The following GRIK4 variants were observed in gnomAD, a reference collection of about 807,000 sequenced individuals.
The protein encoded by GRIK4 is glutamate receptor ionotropic, kainate 4.
GRIK4 carries 40 observed loss-of-function variants against 104.9 expected under a neutral mutation model. That is an observed-to-expected ratio of 0.38 (90% CI 0.30 to 0.50). GRIK4 has a LOEUF of 0.50. Among genes scored for constraint, GRIK4 ranks in the 20% least tolerant of loss-of-function variants. The probability of loss-of-function intolerance (pLI) is 0.93; values close to 1 mark genes in which losing one functional copy is unlikely to be tolerated. For missense variants in GRIK4, 1,047 were observed against 1,308.1 expected, an observed-to-expected ratio of 0.80 and a Z score of 3.08; for synonymous variants, 485 against 524.9, an observed-to-expected ratio of 0.92 and a Z score of 1.04.
chr11:120,802,759 A>G lies in GRIK4; in HGVS notation c.149A>G (p.Asn50Ser), dbSNP rs1373180431. Residue 50 changes from asparagine (N) to serine (S), a missense_variant, in exon 4 of 21, where the codon AAC becomes AGC. Physicochemically the swap from Asn to Ser is conservative, Grantham distance 46. This residue lies in a region of GRIK4 where 447 missense variants were observed against 514.9 expected (regional missense o/e 0.87). Transcript: ENST00000527524. ...GERLSITLAK[N>S]RINRAPERLG... ...CGGCTCTCCATCACCCTGGCCAAGA[A>G]CCGCATCAACCGCGCTCCTGAGAGG... is the stretch of plus-strand genomic sequence containing the variant. 1 of 1,614,028 alleles carries G rather than the reference A, an allele frequency of 6.2e-7. No individual in the cohort carries two copies. Among genetic ancestry groups the G allele is most frequent in the Non-Finnish European group, 8.5e-7 (1 of 1,179,982 alleles).
At position 120,986,438 on chromosome 11, in the gene GRIK4, G is replaced by A; in HGVS notation, c.*178G>A. 1 of 881,914 alleles carries A rather than the reference G, an allele frequency of 1.1e-6. No individual in the cohort carries two copies. Among genetic ancestry groups the A allele is most frequent in the Non-Finnish European group, 1.6e-6 (1 of 619,824 alleles). The allele number at this position is 881,914 out of a possible 1,614,324, so 54.6% of individuals were successfully genotyped here. A position where few individuals can be genotyped will look rare whatever the true frequency, so the allele number is the denominator to read the frequency against. On this transcript the variant is annotated 3_prime_UTR_variant, in exon 21 of 21. Transcript: ENST00000527524. ...ACGCCCCAGCCAGAGACCGCGCCCG[G>A]TCAGGGAGCAGGGTCCACCCGGAAA... is the stretch of plus-strand genomic sequence containing the variant.
intron 19 of GRIK4, among the ~76,000 whole-genome samples, chr11:120,973,522 T>C (rs921070355): frequency 6.6e-6 from 1 of 152,236 alleles, no homozygotes; most frequent in East Asian, 1.9e-4. Context: ...CGGTCATCCT[T>C]TGGAACAAGA....
chr11:120,557,227 C>G (rs1207001491), intron 1 of GRIK4, among the ~76,000 whole-genome samples: 5 of 152,220 alleles, frequency 3.3e-5, no homozygotes, highest in Non-Finnish European at 5.9e-5. Flanking sequence ...TCCCTTGCCT[C>G]TCCTGTCCCC....
At chr11:120,964,313 T>C (rs1313641959) in intron 18 of GRIK4, among the ~76,000 whole-genome samples, 1 of 152,160 alleles carries the variant, frequency 6.6e-6, no homozygotes, top group Non-Finnish European at 1.5e-5. Flanking sequence ...ACTTAAATTC[T>C]GATCAGAAAC....
At chr11:120,879,176 GT>G (rs1299538979) in intron 11 of GRIK4, among the ~76,000 whole-genome samples, 1 of 152,166 alleles carries the variant, frequency 6.6e-6, no homozygotes, top group African/African-American at 2.4e-5. Flanking sequence ...GGCAAAGCCC[GT>G]GCTCTCGGAT....
Position 120,564,246 on chromosome 11 carries a change from C to T in GRIK4, c.-159+52359C>T, listed in dbSNP as rs577718711. Among the ~76,000 whole-genome samples, 3 of 152,346 alleles carry T rather than the reference C, an allele frequency of 2.0e-5. No individual in the cohort carries two copies. In the East Asian group the frequency reaches 5.8e-4, roughly 29 times the overall value. On this transcript the variant is annotated intron_variant, in intron 1 of 20. Coordinates refer to ENST00000527524, the MANE Select transcript of GRIK4 (RefSeq NM_014619.5). Reference sequence around the variant, plus strand: ...GGCAGCTGAATCCAGCCCCTTGTTACGGGGGAAAATGCTCTCATTGAAGCG... The same window carrying T: ...GGCAGCTGAATCCAGCCCCTTGTTATGGGGGAAAATGCTCTCATTGAAGCG...
rs552055003 is a variant in GRIK4 at position 120,903,053 on chromosome 11, C to T, written c.1273-2237C>T. Reference sequence around the variant, plus strand: ...CCTCCATGACCTTGTGTCTGTCTGGCCCTCCATCTTCCCCAGCCTAGAAGT... The same window carrying T: ...CCTCCATGACCTTGTGTCTGTCTGGTCCTCCATCTTCCCCAGCCTAGAAGT... On this transcript the variant is annotated intron_variant, in intron 12 of 20. Transcript: ENST00000527524. The surrounding 1 kb of genome is among the most constrained non-coding windows in gnomAD (Gnocchi z 4.4). Among the ~76,000 whole-genome samples, 51 of 152,244 alleles carry T rather than the reference C, an allele frequency of 3.3e-4. No homozygotes were observed. Among genetic ancestry groups the T allele is most frequent in the Non-Finnish European group, 8.8e-5 (6 of 68,014 alleles).
rs115056509 is a variant in GRIK4 at position 120,609,318 on chromosome 11, G to A, written c.-158-44367G>A. On this transcript the variant is annotated intron_variant, in intron 1 of 20. Coordinates refer to ENST00000527524, the MANE Select transcript of GRIK4 (RefSeq NM_014619.5). The stretch of plus-strand genomic sequence containing the variant: ...AGCTGTTTGTTTTTGCCATCTTGCC[G>A]TGTTGCCCAGGGTGACCTCAAACTC... 2.1e-3 allele frequency among the ~76,000 whole-genome samples: 310 copies of A among 151,136 alleles called. 2 individuals carry two copies. Among genetic ancestry groups the A allele is most frequent in the African/African-American group, 6.4e-3 (265 of 41,146 alleles).
intron 3 of GRIK4, among the ~76,000 whole-genome samples, chr11:120,723,867 TATGAGTGTTG>T (rs1950977302): frequency 6.6e-6 from 1 of 152,168 alleles, no homozygotes; most frequent in Admixed American, 6.5e-5. Flanking sequence ...GTGTACCTTC[TATGAGTGTTG>T]ACGAATGCAT....
At chr11:120,885,511 A>C (rs1955092616) in intron 11 of GRIK4, among the ~76,000 whole-genome samples, 1 of 151,698 alleles carries the variant, frequency 6.6e-6, no homozygotes, top group Admixed American at 6.6e-5. Flanking sequence ...TCAAGCTCCT[A>C]AGTAGCTGAG....
chr11:120,526,841 C>T (rs1171915184), intron 1 of GRIK4, among the ~76,000 whole-genome samples: 1 of 151,936 alleles, frequency 6.6e-6, no homozygotes, highest in Non-Finnish European at 1.5e-5. Context: ...AAGAGTGAAA[C>T]ACCATCTCAA....
At chr11:120,631,377 T>C (rs7927736) in intron 1 of GRIK4, among the ~76,000 whole-genome samples, 63,784 of 152,036 alleles carry the variant, frequency 0.42, 13,555 homozygotes, top group Admixed American at 0.49. Context: ...CCTGGGGATA[T>C]GGATGCTGTT....
chr11:120,514,920 G>C, intron 1 of GRIK4: 1 of 455,106 alleles, frequency 2.2e-6, no homozygotes, highest in South Asian at 1.6e-5. Context: ...GGTCCTGAAA[G>C]CTTCCTTGTT....
At chr11:120,546,803 A>C (rs1337125063) in intron 1 of GRIK4, among the ~76,000 whole-genome samples, 1 of 152,156 alleles carries the variant, frequency 6.6e-6, no homozygotes, top group African/African-American at 2.4e-5. Flanking sequence ...TACTAGGAGT[A>C]AGGATGGAAT....
chr11:120,758,269 T>C (rs911376821), intron 3 of GRIK4, among the ~76,000 whole-genome samples: 3 of 152,208 alleles, frequency 2.0e-5, no homozygotes, highest in African/African-American at 7.2e-5. Flanking sequence ...TTCTGGAGTC[T>C]TTAGCAAATC....
At chr11:120,754,788 G>A (rs1352440977) in intron 3 of GRIK4, among the ~76,000 whole-genome samples, 1 of 152,118 alleles carries the variant, frequency 6.6e-6, no homozygotes, top group Non-Finnish European at 1.5e-5. Flanking sequence ...ATGATGTTGA[G>A]GATCTTTTCA....
Position 120,819,988 on chromosome 11 carries a change from G to C in GRIK4, c.511+68G>C. On this transcript the variant is annotated intron_variant, in intron 6 of 20. Coordinates refer to ENST00000527524, the MANE Select transcript of GRIK4 (RefSeq NM_014619.5). The surrounding 1 kb of genome is among the most constrained non-coding windows in gnomAD (Gnocchi z 4.3). ...TGTTGATTTTGCCCTGATTCCCTGT[G>C]CCCCTGGCTGGAGACCCTCCAGGAA... is the stretch of plus-strand genomic sequence containing the variant. 1 of 1,499,982 alleles carries C rather than the reference G, an allele frequency of 6.7e-7. No homozygotes were observed. Among genetic ancestry groups the C allele is most frequent in the South Asian group, 1.2e-5 (1 of 85,484 alleles). The allele number at this position is 1,499,982 out of a possible 1,614,324, so 92.9% of individuals were successfully genotyped here.
chr11:120,755,021 C>T (rs1591871686), intron 3 of GRIK4, among the ~76,000 whole-genome samples: 5 of 152,136 alleles, frequency 3.3e-5, no homozygotes, highest in East Asian at 3.8e-4. Flanking sequence ...CATCTGAATC[C>T]GAACTGCAAA....
At chr11:120,942,171 G>A (rs1388616046) in intron 14 of GRIK4, among the ~76,000 whole-genome samples, 3 of 152,198 alleles carry the variant, frequency 2.0e-5, no homozygotes, top group Non-Finnish European at 2.9e-5. Flanking sequence ...TTCTTTGGGG[G>A]AAAGGGGGCA....
Sources: allele counts gnomAD v4.1 joint callset (sites outside exome capture counted in the v4.1 genomes callset), GRCh38; gene constraint gnomAD v4.1.1; regional missense constraint gnomAD v4.1.1; non-coding constraint Gnocchi (gnomAD v3.1); transcripts MANE v1.5; gene names NCBI Gene and HGNC (gene_info 2026-07-23, HGNC 2026-07-21).